The following CRISP1 variants were observed in gnomAD, a reference collection of about 807,000 sequenced individuals.
CRISP1 encodes the protein cysteine-rich secretory protein 1.
A neutral mutation model predicts 33.1 loss-of-function variants in CRISP1; 44 were observed. The observed-to-expected ratio is 1.33, with a 90% CI of 1.05 to 1.71. The LOEUF (loss-of-function observed/expected upper bound fraction) is 1.71. Among genes scored for constraint, CRISP1 ranks in the 40% most tolerant of loss-of-function variants. The pLI, the probability that CRISP1 is intolerant of heterozygous loss-of-function variation, is 0.00. For missense variants in CRISP1, 390 were observed against 301.2 expected (o/e 1.29, Z -2.18); for synonymous variants, 103 against 98.7 (o/e 1.04, Z -0.26).
intron 2 of CRISP1, among the ~76,000 whole-genome samples, chr6:49,853,852 C>T (rs1331331394): frequency 6.6e-6 from 1 of 152,124 alleles, no homozygotes; most frequent in Non-Finnish European, 1.5e-5. Context: ...TGACAATTCT[C>T]CTGCCTGTTC....
intron 6 of CRISP1, among the ~76,000 whole-genome samples, chr6:49,839,980 C>T (rs1319766154): frequency 6.6e-6 from 1 of 152,164 alleles, no homozygotes; most frequent in African/African-American, 2.4e-5. Flanking sequence ...TATTGTGCTA[C>T]ATACATGGGA....
At chr6:49,850,767 T>A (rs1468586355) in intron 3 of CRISP1, among the ~76,000 whole-genome samples, 1 of 152,182 alleles carries the variant, frequency 6.6e-6, no homozygotes, top group Non-Finnish European at 1.5e-5. Context: ...TTGCCTTTCA[T>A]CTCCAATCTG....
chr6:49,854,835 C>T (rs1026400060), intron 2 of CRISP1, among the ~76,000 whole-genome samples: 1 of 152,090 alleles, frequency 6.6e-6, no homozygotes. Flanking sequence ...AGTGCTCCTG[C>T]CATTTTGTGA....
At chr6:49,873,972 A>G (rs920357283) in intron 1 of CRISP1, among the ~76,000 whole-genome samples, 4 of 152,118 alleles carry the variant, frequency 2.6e-5, no homozygotes, top group Non-Finnish European at 5.9e-5. Flanking sequence ...TGGTTTAAAT[A>G]CATTCCTTAA....
intron 1 of CRISP1, among the ~76,000 whole-genome samples, chr6:49,861,930 A>G (rs1487455852): frequency 6.6e-6 from 1 of 152,056 alleles, no homozygotes; most frequent in Non-Finnish European, 1.5e-5. Flanking sequence ...TATATGACAA[A>G]TCCACATCTA....
At chr6:49,838,351 G>A (rs1047400231) in intron 7 of CRISP1, 86 bp downstream of exon 7, 23 of 953,918 alleles carry the variant, frequency 2.4e-5, no homozygotes, top group Admixed American at 4.5e-5. Flanking sequence ...AGAAAAGTGC[G>A]ATGTTTTTTA....
At chr6:49,838,583 T>TTATGTGAAG in intron 6 of CRISP1, 58 bp from the exon 7 acceptor site, 1 of 1,324,680 alleles carries the variant, frequency 7.5e-7, no homozygotes. Context: ...ACATAAAACT[T>TTATGTGAAG]TACTCACAGT....
At chr6:49,843,564 CT>C (rs1455966377) in intron 5 of CRISP1, among the ~76,000 whole-genome samples, 1 of 152,122 alleles carries the variant, frequency 6.6e-6, no homozygotes, top group African/African-American at 2.4e-5. Flanking sequence ...GACTTCCAGC[CT>C]TTGTGAATTC....
chr6:49,836,016 G>A (rs1392460789), intron 7 of CRISP1, among the ~76,000 whole-genome samples: 4 of 152,136 alleles, frequency 2.6e-5, no homozygotes, highest in East Asian at 1.9e-4. Context: ...AAATGCACAC[G>A]AAATTCTCCA....
Position 49,872,411 on chromosome 6 carries a change from C to T in CRISP1, c.-3+4598G>A, listed in dbSNP as rs564749413. ...CAGAAGCTCTTTAGTTTAATTAGAT[C>T]CCATTTGTCAATTTTGGCTTTTGTT... On this transcript the variant is annotated intron_variant, in intron 1 of 7. Transcript: ENST00000505118. Among the ~76,000 whole-genome samples, 16 of 152,138 alleles carry T rather than the reference C, an allele frequency of 1.1e-4. No individual in the cohort carries two copies. The South Asian group carries it at 3.1e-3, about 30-fold the overall frequency.
At chr6:49,856,616 C>T (rs1423955034) in intron 2 of CRISP1, among the ~76,000 whole-genome samples, 6 of 152,112 alleles carry the variant, frequency 3.9e-5, no homozygotes, top group Non-Finnish European at 7.4e-5. Flanking sequence ...TTATTTCTTA[C>T]TTCTCTACCT....
At chr6:49,847,954 A>G (rs1771231963) in intron 4 of CRISP1, among the ~76,000 whole-genome samples, 1 of 152,098 alleles carries the variant, frequency 6.6e-6, no homozygotes, top group Non-Finnish European at 1.5e-5. Context: ...GAGATTTTTT[A>G]TTCATTTCTC....
intron 2 of CRISP1, among the ~76,000 whole-genome samples, chr6:49,854,405 G>A (rs12213539): frequency 0.097 from 14,736 of 152,128 alleles, 995 homozygotes; most frequent in Non-Finnish European, 0.15. Flanking sequence ...GTCTCACTCT[G>A]CTGCCAGGCT....
chr6:49,862,511 A>G (rs1771681161), intron 1 of CRISP1, among the ~76,000 whole-genome samples: 1 of 152,164 alleles, frequency 6.6e-6, no homozygotes. Flanking sequence ...TATTTGATAT[A>G]ATGCTAAATC....
intron 7 of CRISP1, among the ~76,000 whole-genome samples, chr6:49,836,905 T>TA (rs1164175259): frequency 3.9e-5 from 6 of 152,148 alleles, no homozygotes; most frequent in Admixed American, 6.5e-5. Context: ...CTCATTTTTT[T>TA]TAAAAAATCA....
intron 2 of CRISP1, among the ~76,000 whole-genome samples, chr6:49,856,462 T>C (rs1047738941): frequency 3.9e-5 from 6 of 152,156 alleles, no homozygotes; most frequent in African/African-American, 1.2e-4. Flanking sequence ...TCCAGCTTAC[T>C]GGAGGATTAC....
At chr6:49,843,361 C>A (rs973237429) in intron 5 of CRISP1, among the ~76,000 whole-genome samples, 1 of 152,068 alleles carries the variant, frequency 6.6e-6, no homozygotes, top group African/African-American at 2.4e-5. Flanking sequence ...TGTGATTATG[C>A]CTCTTTTTTA....
upstream of CRISP1, among the ~76,000 whole-genome samples, chr6:49,870,528 C>G (rs1771898173): frequency 6.6e-6 from 1 of 152,098 alleles, no homozygotes. Context: ...AGAACTTCTT[C>G]AGGTTGGGAA....
At chr6:49,857,748 A>G (rs1028410181) in intron 1 of CRISP1, among the ~76,000 whole-genome samples, 2 of 152,218 alleles carry the variant, frequency 1.3e-5, no homozygotes, top group African/African-American at 4.8e-5. Context: ...GGTGGACCCA[A>G]TGTAATCACA....
Sources: gnomAD v4.1 joint callset for allele counts (sites outside exome capture counted in the v4.1 genomes callset) on GRCh38, gnomAD v4.1.1 for gene constraint, MANE v1.5 for transcripts, NCBI Gene and HGNC (gene_info 2026-07-23, HGNC 2026-07-21) for gene names.